The following ZNF578 variants were observed in gnomAD, a reference collection of about 807,000 sequenced individuals.
ZNF578 encodes zinc finger protein 578.
A neutral mutation model predicts 8.3 loss-of-function variants in ZNF578; 8 were observed. The observed-to-expected ratio is 0.96, with a 90% CI of 0.56 to 1.74. The LOEUF (loss-of-function observed/expected upper bound fraction) is 1.74, where lower values mean the gene tolerates loss of function less well. Ranked by LOEUF, ZNF578 falls within the 40% of genes most tolerant of loss-of-function variation. ZNF578 has a pLI of 0.00. For synonymous variants in ZNF578, 206 were observed against 232.2 expected (o/e 0.89, Z 1.03); for missense variants, 726 against 707.5 (o/e 1.03, Z -0.30).
chr19:52,495,921 A>G (rs1449688665), intron 3 of ZNF578, among the ~76,000 whole-genome samples: 2 of 152,130 alleles, frequency 1.3e-5, no homozygotes, highest in Non-Finnish European at 2.9e-5. Flanking sequence ...CTCTGTTACT[A>G]TATGGAACGT....
chr19:52,470,498 G>C (rs949310789), intron 2 of ZNF578, among the ~76,000 whole-genome samples: 2 of 152,170 alleles, frequency 1.3e-5, no homozygotes, highest in African/African-American at 4.8e-5. Flanking sequence ...GGGATGCCTA[G>C]ATGGTTCATA....
intron 2 of ZNF578, among the ~76,000 whole-genome samples, chr19:52,484,857 C>A (rs1434342973): frequency 7.9e-5 from 12 of 151,158 alleles, no homozygotes; most frequent in Non-Finnish European, 1.3e-4. Context: ...CCTTCACTGA[C>A]TCTCTTTTTG....
At chr19:52,483,582 C>A (rs987341986) in intron 2 of ZNF578, among the ~76,000 whole-genome samples, 1 of 152,300 alleles carries the variant, frequency 6.6e-6, no homozygotes, top group Admixed American at 6.5e-5. Flanking sequence ...GACCAGGGAG[C>A]CTGCATCAGG....
At chr19:52,507,616 G>T (rs1860591545) in intron 5 of ZNF578, among the ~76,000 whole-genome samples, 1 of 152,196 alleles carries the variant, frequency 6.6e-6, no homozygotes, top group South Asian at 2.1e-4. Flanking sequence ...TGGAAAGTGG[G>T]AAATCCAAGA....
chr19:52,514,590 C>T lies in ZNF578; in HGVS notation c.*2436C>T, dbSNP rs1317159119. The stretch of plus-strand genomic sequence containing the variant: ...ATTTATTGTGTGTTTCCCTCAAGGC[C>T]CTGTGGTCCATTCTGGAAAAATGTT... On this transcript the variant is annotated 3_prime_UTR_variant, in exon 6 of 6. Transcript: ENST00000421239. Among the ~76,000 whole-genome samples, 1 of 152,146 alleles carries T rather than the reference C, an allele frequency of 6.6e-6. No homozygotes were observed. The highest frequency in any genetic ancestry group is 1.5e-5 in the Non-Finnish European group (1 of 68,026).
intron 2 of ZNF578, among the ~76,000 whole-genome samples, chr19:52,488,010 G>A (rs1269797264): frequency 2.7e-5 from 4 of 150,756 alleles, no homozygotes; most frequent in Non-Finnish European, 5.9e-5. Flanking sequence ...GCTGGAGTGC[G>A]ATGGCATGAT....
chr19:52,492,375 T>C (rs2059368708), intron 3 of ZNF578, among the ~76,000 whole-genome samples: 1 of 152,044 alleles, frequency 6.6e-6, no homozygotes, highest in Admixed American at 6.6e-5. Context: ...CACTTCTCCC[T>C]TTCCTGAGCA....
At chr19:52,495,178 T>C (rs1349102569) in intron 3 of ZNF578, among the ~76,000 whole-genome samples, 1 of 143,024 alleles carries the variant, frequency 7.0e-6, no homozygotes, top group Admixed American at 7.2e-5. Flanking sequence ...AGTAGTAGTT[T>C]TTTGAGGTGG....
In ZNF578 at chr19:52,512,115, C is replaced by T; in HGVS notation, c.1734C>T (p.His578=). Residue 578 remains histidine (H), a synonymous_variant, in exon 6 of 6, where the codon CAC becomes CAT. Transcript: ENST00000421239. ...KCNECGKAHN[H]LIDSSIKPCM... is the part of the protein sequence containing the mutation. Reference sequence around the variant, plus strand: ...ATGAGTGTGGTAAGGCTCACAATCACTTGATTGATTCATCAATCAAGCCTT... The same window carrying T: ...ATGAGTGTGGTAAGGCTCACAATCATTTGATTGATTCATCAATCAAGCCTT... 6.2e-7 allele frequency: 1 copy of T among 1,609,292 alleles called. No homozygotes were observed. Among genetic ancestry groups the T allele is most frequent in the Non-Finnish European group, 8.5e-7 (1 of 1,177,534 alleles).
chr19:52,505,036 C>T (rs181934189), intron 5 of ZNF578, among the ~76,000 whole-genome samples: 12 of 152,180 alleles, frequency 7.9e-5, no homozygotes, highest in African/African-American at 2.4e-4. Flanking sequence ...TATAGGCATG[C>T]GCCACCACGC....
intron 2 of ZNF578, among the ~76,000 whole-genome samples, chr19:52,485,394 A>T (rs750879348): frequency 1.3e-5 from 2 of 152,254 alleles, no homozygotes; most frequent in Non-Finnish European, 2.9e-5. Flanking sequence ...TCTTATTCTG[A>T]TGGGATGGAA....
intron 2 of ZNF578, among the ~76,000 whole-genome samples, chr19:52,481,067 A>G (rs2059324889): frequency 6.6e-6 from 1 of 152,258 alleles, no homozygotes; most frequent in Admixed American, 6.5e-5. Context: ...CCCCTCATTC[A>G]TGTGTGTGAC....
At chr19:52,491,771 C>T (rs1416243306) in intron 3 of ZNF578, among the ~76,000 whole-genome samples, 2 of 151,922 alleles carry the variant, frequency 1.3e-5, no homozygotes, top group Admixed American at 6.6e-5. Context: ...CTTTAACAAA[C>T]GTACTGGGAC....
At chr19:52,503,245 A>G (rs2059413690) in intron 4 of ZNF578, among the ~76,000 whole-genome samples, 1 of 152,140 alleles carries the variant, frequency 6.6e-6, no homozygotes, top group Admixed American at 6.5e-5. Flanking sequence ...CAGTAATGCA[A>G]TCATAGCTTG....
chr19:52,485,586 A>G (rs1483936041), intron 2 of ZNF578, among the ~76,000 whole-genome samples: 1 of 152,114 alleles, frequency 6.6e-6, no homozygotes, highest in Non-Finnish European at 1.5e-5. Flanking sequence ...CTACGTAGAA[A>G]GAAGTAGACA....
intron 2 of ZNF578, among the ~76,000 whole-genome samples, chr19:52,482,259 C>T (rs2059329216): frequency 6.6e-6 from 1 of 152,134 alleles, no homozygotes; most frequent in African/African-American, 2.4e-5. Context: ...GTCTCTAATT[C>T]CCGACCTCAG....
rs932373112 is a variant in ZNF578, at chr19:52,476,120, C to A, written c.-121-15204C>A. Among the ~76,000 whole-genome samples the A allele has an allele frequency of 2.1e-3, 311 of 148,012 alleles. 2 individuals are homozygous for A. Among genetic ancestry groups the A allele is most frequent in the African/African-American group, 7.4e-3 (296 of 39,964 alleles). On this transcript the variant is annotated intron_variant, in intron 2 of 5. Coordinates refer to ENST00000421239, the MANE Select transcript of ZNF578 (RefSeq NM_001099694.2). ...GTAAGGGTATAGTAAAAAAAAAAAA[C>A]AATCCTTAAGATCTATTACTACAAG...
chr19:52,486,594 G>A (rs1172074444), intron 2 of ZNF578, among the ~76,000 whole-genome samples: 3 of 152,144 alleles, frequency 2.0e-5, no homozygotes, highest in Admixed American at 6.6e-5. Flanking sequence ...TCAGAGTGAG[G>A]GAGAGAGGGA....
chr19:52,510,494 T>A lies in ZNF578; in HGVS notation c.191-78T>A. 8 of 1,391,908 alleles carry A rather than the reference T, an allele frequency of 5.7e-6. No homozygotes were observed. In the South Asian group the frequency reaches 1.8e-4, roughly 31 times the overall value. The allele number at this position is 1,391,908 out of a possible 1,614,324, so 86.2% of individuals were successfully genotyped here. ...GGAAGTTTAAAATAAGTATTTTTTATTGTGTCATATTTACACACTTCAGTA... is the reference window on the plus strand; with the variant it reads ...GGAAGTTTAAAATAAGTATTTTTTAATGTGTCATATTTACACACTTCAGTA... On this transcript the variant is annotated intron_variant, in intron 5 of 5. Transcript: ENST00000421239.
Sources: allele counts gnomAD v4.1 joint callset (sites outside exome capture counted in the v4.1 genomes callset), GRCh38; gene constraint gnomAD v4.1.1; transcripts MANE v1.5; gene names NCBI Gene and HGNC (gene_info 2026-07-23, HGNC 2026-07-21).